OGFOD3: variants seen among roughly 807,000 people sequenced by gnomAD.
OGFOD3 encodes the protein 2-oxoglutarate and iron dependent oxygenase domain containing 3, also known as 2-oxoglutarate and iron-dependent oxygenase domain-containing protein 3.
A neutral mutation model predicts 39.8 loss-of-function variants in OGFOD3; 35 were observed. The ratio of observed to expected loss-of-function variants is 0.88; its 90% CI spans 0.67 to 1.17. The LOEUF is 1.17. Among genes scored for constraint, OGFOD3 ranks in the 50% most tolerant of loss-of-function variants. OGFOD3 has a pLI of 0.00. For synonymous variants in OGFOD3, 200 were observed against 192.0 expected, an observed-to-expected ratio of 1.04 and a Z score of -0.34; for missense variants, 438 against 454.5, an observed-to-expected ratio of 0.96 and a Z score of 0.33.
At position 82,415,370 on chromosome 17, in the gene OGFOD3, AT is replaced by A. The variant is rs1394659065; in HGVS notation, c.304+27del. On this transcript the variant is annotated intron_variant, in intron 2 of 8. Transcript: ENST00000313056. This position sits in a 1 kb window ranked among gnomAD's most constrained non-coding sequence, Gnocchi z 5.3. Reference sequence around the variant, plus strand: ...ATGTCCTTTAACCACACTGAGTCTCATTTTAAAGTGTTGCTTTCCTGAACTA... The same window carrying A: ...ATGTCCTTTAACCACACTGAGTCTCATTTAAAGTGTTGCTTTCCTGAACTA... The A allele has an allele frequency of 6.3e-7, 1 of 1,599,232 alleles. No homozygotes were observed. The highest frequency in any genetic ancestry group is 2.2e-5 in the East Asian group (1 of 44,598).
chr17:82,409,551 C>T, intron 3 of OGFOD3, 141 bp from the exon 4 acceptor site: 2 of 754,582 alleles, frequency 2.7e-6, no homozygotes, highest in Non-Finnish European at 4.5e-6. Flanking sequence ...AATGTTTAGA[C>T]CAAAGGACTC....
intron 4 of OGFOD3, among the ~76,000 whole-genome samples, chr17:82,407,650 A>T (rs1227301868): frequency 2.0e-5 from 3 of 152,188 alleles, no homozygotes; most frequent in Admixed American, 6.5e-5. Context: ...CCCCTTCCTC[A>T]TCGCCACAGC....
At chr17:82,393,774 A>G (rs555773267) in intron 8 of OGFOD3, 48 of 152,276 alleles carry the variant, frequency 3.2e-4, no homozygotes, top group African/African-American at 1.2e-3. Flanking sequence ...CTGCTGGCAG[A>G]CGTGGTTCTC....
intron 3 of OGFOD3, 133 bp downstream of exon 3, chr17:82,411,322 C>T: frequency 1.3e-6 from 1 of 758,274 alleles, no homozygotes. Flanking sequence ...GCTGGGATTA[C>T]AGGCGTGAGC....
chr17:82,418,567 C>G lies in OGFOD3; in HGVS notation c.-82G>C, dbSNP rs954413027. ...GCCGTAACAGGGAGCGCGAGGCAGG[C>G]ACGGCGCAGGGACGCGAGTGCGACG... On this transcript the variant is annotated 5_prime_UTR_variant, in exon 1 of 9. Coordinates refer to ENST00000313056, the MANE Select transcript of OGFOD3 (RefSeq NM_024648.3). 1.3e-6 allele frequency: 1 copy of G among 748,278 alleles called. No individual in the cohort carries two copies. The highest frequency in any genetic ancestry group is 1.8e-6 in the Non-Finnish European group (1 of 540,966). 46.4% of individuals were successfully genotyped at this position (748,278 alleles called of 1,614,324 possible).
Position 82,411,463 on chromosome 17 carries a change from C to T in OGFOD3, c.372G>A (p.Arg124=). Residue 124 remains arginine (R), a synonymous_variant, in exon 3 of 9, where the codon CGG becomes CGA. Coordinates refer to ENST00000313056, the MANE Select transcript of OGFOD3 (RefSeq NM_024648.3). The stretch of plus-strand genomic sequence containing the variant: ...CAGGGACAGGCGGTTACCTGCGAAT[C>T]CGCTCCGCTTCCTCCCTGGTGATGA... ...DVVITREEAE[R]IRSVAEKGLS... is the part of the protein sequence containing the mutation. The T allele has an allele frequency of 6.2e-7, 1 of 1,614,132 alleles. No homozygotes were observed. Among genetic ancestry groups the T allele is most frequent in the South Asian group, 1.1e-5 (1 of 91,088 alleles).
intron 3 of OGFOD3, among the ~76,000 whole-genome samples, chr17:82,410,119 A>G (rs1391257589): frequency 2.6e-5 from 4 of 152,086 alleles, no homozygotes; most frequent in Non-Finnish European, 5.9e-5. Context: ...GGAGAAAGAC[A>G]CCCACACGCC....
At position 82,403,960 on chromosome 17, in the gene OGFOD3, A is replaced by C. The variant is rs1323365588; in HGVS notation, c.676T>G (p.Tyr226Asp). 1 of 1,607,172 alleles carries C rather than the reference A, an allele frequency of 6.2e-7. No homozygotes were observed. The highest frequency in any genetic ancestry group is 1.1e-5 in the South Asian group (1 of 89,904). ...STEARTAHDE[Y>D]WHAHVDKVTY... is the part of the protein sequence containing the mutation. ...ACCTTGTCCACGTGCGCATGCCAGT[A>C]CTCGTCGTGCGCCGTCCGCGCTTCC... The change falls in exon 7 of 9, where the codon TAC becomes GAC. Residue 226 changes from tyrosine (Y) to aspartate (D), a missense_variant. Physicochemically the swap from Tyr to Asp is radical, Grantham distance 160. Coordinates refer to ENST00000313056, the MANE Select transcript of OGFOD3 (RefSeq NM_024648.3).
chr17:82,413,354 G>A (rs1344910781), intron 2 of OGFOD3, among the ~76,000 whole-genome samples: 1 of 152,166 alleles, frequency 6.6e-6, no homozygotes, highest in East Asian at 1.9e-4. Context: ...GACACACGTG[G>A]CAACCAAAGC....
At position 82,406,519 on chromosome 17, in the gene OGFOD3, A is replaced by T; in HGVS notation, c.424-37T>A. 6.4e-7 allele frequency: 1 copy of T among 1,567,064 alleles called. No individual in the cohort carries two copies. The highest frequency in any genetic ancestry group is 8.8e-7 in the Non-Finnish European group (1 of 1,137,208). On this transcript the variant is annotated intron_variant, in intron 4 of 8. Coordinates refer to ENST00000313056, the MANE Select transcript of OGFOD3 (RefSeq NM_024648.3). The surrounding 1 kb of genome is among the most constrained non-coding windows in gnomAD (Gnocchi z 5.2). ...GTTGTGGAGTAAAGCGTGCAGCCGC[A>T]GCAATGGCAATGGCTGTTAAAAGTC...
In OGFOD3 at chr17:82,391,159, G is replaced by A. The variant is rs2052593175; in HGVS notation, c.*1239C>T. 6.5e-6 allele frequency: 1 copy of A among 153,272 alleles called. No individual in the cohort carries two copies. Among genetic ancestry groups the A allele is most frequent in the Admixed American group, 6.5e-5 (1 of 15,306 alleles). 9.5% of individuals were successfully genotyped at this position (153,272 alleles called of 1,614,324 possible). On this transcript the variant is annotated 3_prime_UTR_variant, in exon 9 of 9. Coordinates refer to ENST00000313056, the MANE Select transcript of OGFOD3 (RefSeq NM_024648.3). The surrounding 1 kb of genome is among the most constrained non-coding windows in gnomAD (Gnocchi z 5.1). ...CAGGCAGCTGGGTCAGGGCATCCAG[G>A]AGAGCCCAGCTTCCAACACCACTCA...
intron 8 of OGFOD3, among the ~76,000 whole-genome samples, chr17:82,396,235 T>A (rs990748975): frequency 4.1e-5 from 6 of 146,744 alleles, no homozygotes; most frequent in Non-Finnish European, 9.1e-5. Flanking sequence ...AACACATAGA[T>A]ACACACAATT....
At chr17:82,400,274 G>A (rs1356611479) in intron 7 of OGFOD3, among the ~76,000 whole-genome samples, 1 of 151,942 alleles carries the variant, frequency 6.6e-6, no homozygotes, top group East Asian at 1.9e-4. Flanking sequence ...CCCCCTCCAG[G>A]CCTCACAGAT....
rs115066501 is a variant in OGFOD3, at chr17:82,406,078, G to T, written c.488+340C>A. On this transcript the variant is annotated intron_variant, in intron 5 of 8. Transcript: ENST00000313056. The surrounding 1 kb of genome is among the most constrained non-coding windows in gnomAD (Gnocchi z 5.2). Reference sequence around the variant, plus strand: ...CCCGGCCCCTCATGGAGCGTCAAAGGCCCCGTTGGATTCTTGGAAGCTGCT... The same window carrying T: ...CCCGGCCCCTCATGGAGCGTCAAAGTCCCCGTTGGATTCTTGGAAGCTGCT... Among the ~76,000 whole-genome samples, 1 of 152,132 alleles carries T rather than the reference G, an allele frequency of 6.6e-6. No individual in the cohort carries two copies. The highest frequency in any genetic ancestry group is 6.5e-5 in the Admixed American group (1 of 15,274).
At chr17:82,418,183 C>T (rs2053104819) in intron 1 of OGFOD3, 1 of 399,500 alleles carries the variant, frequency 2.5e-6, no homozygotes, top group African/African-American at 2.1e-5. Flanking sequence ...TCCTGCCCCT[C>T]TGGGATAGGT....
chr17:82,405,333 C>T lies in OGFOD3; in HGVS notation c.536G>A (p.Arg179Gln), dbSNP rs116625217. 1,030 of 1,614,074 alleles carry T rather than the reference C, an allele frequency of 6.4e-4. 4 individuals carry two copies. The African/African-American group carries it at 0.01, about 16-fold the overall frequency. ...IQNIFSEEDF[R>Q]LYREVRQKVQ... ...CCTCACTCCTCCTTACCGGTATAAC[C>T]GGAAGTCCTCCTCTGAGAAGATGTT... is the stretch of plus-strand genomic sequence containing the variant. Residue 179 changes from arginine to glutamine, a missense_variant, in exon 6 of 9, where the codon CGG becomes CAG. By Grantham distance (43) the Arg-to-Gln change is conservative. Coordinates refer to ENST00000313056, the MANE Select transcript of OGFOD3 (RefSeq NM_024648.3).
At chr17:82,416,624 A>G (rs1474105972) in intron 1 of OGFOD3, among the ~76,000 whole-genome samples, 1 of 152,028 alleles carries the variant, frequency 6.6e-6, no homozygotes, top group Non-Finnish European at 1.5e-5. Context: ...ATAGAGACTC[A>G]TTTAAGGCAT....
At position 82,390,205 on chromosome 17, in the gene OGFOD3, T is replaced by C. The variant is rs1208968991; in HGVS notation, c.*2193A>G. On this transcript the variant is annotated 3_prime_UTR_variant, in exon 9 of 9. Transcript: ENST00000313056. The surrounding 1 kb of genome is among the most constrained non-coding windows in gnomAD (Gnocchi z 4.9). ...ACTTTCTTCAAATGCATTTATCCTT[T>C]AGACGTGGCGAGAAGCCGGCGACAT... 1 of 152,218 alleles carries C rather than the reference T, an allele frequency of 6.6e-6. No individual in the cohort carries two copies. The highest frequency in any genetic ancestry group is 1.5e-5 in the Non-Finnish European group (1 of 68,054). The allele number at this position is 152,218 out of a possible 1,614,324, so 9.4% of individuals were successfully genotyped here.
At chr17:82,418,248 A>C in intron 1 of OGFOD3, 164 bp downstream of exon 1, 81 of 377,628 alleles carry the variant, frequency 2.1e-4, no homozygotes, top group East Asian at 3.4e-4. Context: ...TGCTCCCAGC[A>C]TGGGCTGCGG....
Sources: allele counts gnomAD v4.1 joint callset (sites outside exome capture counted in the v4.1 genomes callset), GRCh38; gene constraint gnomAD v4.1.1; non-coding constraint Gnocchi (gnomAD v3.1); transcripts MANE v1.5; gene names NCBI Gene and HGNC (gene_info 2026-07-23, HGNC 2026-07-21).